GRAP2: variants seen among roughly 807,000 people sequenced by gnomAD.
GRAP2 encodes the protein GRB2 related adaptor protein 2, also known as GRB2-related adapter protein 2.
A neutral mutation model predicts 43.5 loss-of-function variants in GRAP2; 31 were observed. The observed-to-expected ratio is 0.71, with a 90% CI of 0.54 to 0.96. The LOEUF is 0.96. Ranked by LOEUF, GRAP2 falls within the 40% of genes least tolerant of loss-of-function variation. The pLI, the probability that GRAP2 is intolerant of heterozygous loss-of-function variation, is 0.00. For synonymous variants in GRAP2, 156 were observed against 164.8 expected, an observed-to-expected ratio of 0.95 and a Z score of 0.41; for missense variants, 371 against 424.4, an observed-to-expected ratio of 0.87 and a Z score of 1.11.
chr22:39,898,542 G>A (rs1323941227), upstream of GRAP2, among the ~76,000 whole-genome samples: 2 of 152,208 alleles, frequency 1.3e-5, no homozygotes, highest in Non-Finnish European at 2.9e-5. Context: ...GCCAGGCGCA[G>A]TGGCTCATGC....
chr22:39,893,925 G>T, the GRAP2 span: 2 of 152,008 alleles, frequency 1.3e-5, no homozygotes, highest in Non-Finnish European at 2.9e-5. Context: ...GCCGGGCTGT[G>T]ACACTGCCCT....
At chr22:39,965,475 A>G (rs2067162790) in intron 4 of GRAP2, among the ~76,000 whole-genome samples, 1 of 152,242 alleles carries the variant, frequency 6.6e-6, no homozygotes, top group Non-Finnish European at 1.5e-5. Context: ...CAAAACATAA[A>G]CCAAGATCAA....
Position 39,901,323 on chromosome 22 carries a change from TC to T in GRAP2, c.-20del, listed in dbSNP as rs1480801537. ...AAGACATAAACTCAACCCCTTCTCTTCCAAAAGGTATGTCATTATACAACAT... is the reference window on the plus strand; with the variant it reads ...AAGACATAAACTCAACCCCTTCTCTTCAAAAGGTATGTCATTATACAACAT... On this transcript the variant is annotated 5_prime_UTR_variant, in exon 1 of 8. Transcript: ENST00000344138. The T allele has an allele frequency of 2.5e-6, 3 of 1,200,814 alleles. No homozygotes were observed. The highest frequency in any genetic ancestry group is 3.3e-6 in the Non-Finnish European group (3 of 908,104). The allele number at this position is 1,200,814 out of a possible 1,614,324, so 74.4% of individuals were successfully genotyped here. A position where few individuals can be genotyped will look rare whatever the true frequency, so the allele number is the denominator to read the frequency against.
At chr22:39,943,854 G>C (rs2066895033) in intron 1 of GRAP2, among the ~76,000 whole-genome samples, 1 of 151,788 alleles carries the variant, frequency 6.6e-6, no homozygotes, top group Admixed American at 6.6e-5. Context: ...CAAGTAGCTG[G>C]GACTACAGGC....
chr22:39,894,096 G>GA, the GRAP2 span, among the ~76,000 whole-genome samples: 41 of 148,116 alleles, frequency 2.8e-4, no homozygotes, highest in African/African-American at 9.7e-4. Flanking sequence ...ATTAAAAAAA[G>GA]AAAAAAAATG....
At chr22:39,900,796 C>T (rs1018116598), upstream of GRAP2, among the ~76,000 whole-genome samples, 13 of 152,082 alleles carry the variant, frequency 8.5e-5, no homozygotes, top group African/African-American at 3.1e-4. Flanking sequence ...CCCCAAGAAG[C>T]CCTAATGTTC....
intron 1 of GRAP2, chr22:39,926,465 C>A: frequency 3.6e-6 from 1 of 275,194 alleles, no homozygotes; most frequent in Non-Finnish European, 5.4e-6. Context: ...TGACAGTTAG[C>A]TCCGTAAGCC....
intron 7 of GRAP2, 89 bp downstream of exon 7, chr22:39,969,622 A>G: frequency 7.0e-7 from 1 of 1,430,658 alleles, no homozygotes; most frequent in South Asian, 1.2e-5. Context: ...GACTCAAACC[A>G]CACAGATCTG....
chr22:39,905,651 C>T (rs953039616), intron 1 of GRAP2, among the ~76,000 whole-genome samples: 10 of 152,160 alleles, frequency 6.6e-5, no homozygotes, highest in African/African-American at 2.2e-4. Flanking sequence ...GGTACTAACT[C>T]GTCTACTTCT....
At chr22:39,904,247 G>A (rs1038359085) in intron 1 of GRAP2, among the ~76,000 whole-genome samples, 2 of 152,312 alleles carry the variant, frequency 1.3e-5, no homozygotes, top group Admixed American at 1.3e-4. Context: ...AATTAGCCGG[G>A]CATGATGGCA....
intron 4 of GRAP2, chr22:39,964,611 T>A: frequency 1.4e-6 from 1 of 728,740 alleles, no homozygotes; most frequent in Non-Finnish European, 2.5e-6. Context: ...CTTTATTTCA[T>A]CCGTATTTAA....
intron 1 of GRAP2, among the ~76,000 whole-genome samples, chr22:39,932,852 A>G (rs2066770016): frequency 6.6e-6 from 1 of 152,212 alleles, no homozygotes; most frequent in South Asian, 2.1e-4. Context: ...GGCAGGCACT[A>G]TTATCATCCC....
At chr22:39,964,540 G>A in intron 4 of GRAP2, 3 of 856,124 alleles carry the variant, frequency 3.5e-6, no homozygotes, top group Non-Finnish European at 6.0e-6. Flanking sequence ...TCTGGCCACA[G>A]GTGGAATTAA....
At position 39,960,112 on chromosome 22, in the gene GRAP2, G is replaced by T. The variant is rs1385236949; in HGVS notation, c.228G>T (p.Glu76Asp). The change falls in exon 4 of 8, where the codon GAG becomes GAT. Residue 76 changes from glutamate (E) to aspartate (D), a missense_variant. By Grantham distance (45) the Glu-to-Asp change is conservative. Transcript: ENST00000344138. ...HQAENLLMGK[E>D]VGFFIIRASQ... ...CAGAGAACTTACTCATGGGCAAGGA[G>T]GTTGGCTTCTTCATCATCCGGGCCA... 1.2e-6 allele frequency: 2 copies of T among 1,612,646 alleles called. No homozygotes were observed. The highest frequency in any genetic ancestry group is 1.7e-6 in the Non-Finnish European group (2 of 1,178,758).
rs565184803 is a variant in GRAP2 at position 39,956,857 on chromosome 22, G to A, written c.170+947G>A. Among the ~76,000 whole-genome samples, 68 of 152,248 alleles carry A rather than the reference G, an allele frequency of 4.5e-4. 1 individual carries two copies. The highest frequency in any genetic ancestry group is 1.0e-3 in the South Asian group (5 of 4,822). ...CGTTCCCCAGAATTCCAAAGGGGAC[G>A]CTATTGGCCACCCCACTTCGGGAGC... On this transcript the variant is annotated intron_variant, in intron 3 of 7. Transcript: ENST00000344138.
At chr22:39,903,868 T>C (rs1292138038) in intron 1 of GRAP2, among the ~76,000 whole-genome samples, 1 of 152,196 alleles carries the variant, frequency 6.6e-6, no homozygotes, top group Non-Finnish European at 1.5e-5. Flanking sequence ...AATTACTATA[T>C]GCCAGGCCTG....
the GRAP2 span, among the ~76,000 whole-genome samples, chr22:39,895,014 T>A: frequency 6.6e-6 from 1 of 152,202 alleles, no homozygotes; most frequent in Non-Finnish European, 1.5e-5. Context: ...GCATGAAAGC[T>A]GAGCCAGCCT....
At chr22:39,899,407 C>A (rs920375426), upstream of GRAP2, among the ~76,000 whole-genome samples, 1 of 152,108 alleles carries the variant, frequency 6.6e-6, no homozygotes, top group Non-Finnish European at 1.5e-5. Flanking sequence ...ATTTCAAAAC[C>A]ATCGACTTGG....
chr22:39,964,986 T>C (rs986710600), intron 4 of GRAP2, among the ~76,000 whole-genome samples: 2 of 152,250 alleles, frequency 1.3e-5, no homozygotes, highest in Non-Finnish European at 2.9e-5. Context: ...CCTCAGCCCT[T>C]ACTCAGCAGT....
Sources: gnomAD v4.1 joint callset for allele counts (sites outside exome capture counted in the v4.1 genomes callset) on GRCh38, gnomAD v4.1.1 for gene constraint, MANE v1.5 for transcripts, NCBI Gene and HGNC (gene_info 2026-07-23, HGNC 2026-07-21) for gene names.